Variants in SAMD4B observed in about 807,000 individuals in gnomAD.
SAMD4B encodes protein Smaug homolog 2.
SAMD4B carries 5 observed loss-of-function variants against 74.5 expected under a neutral mutation model. That is an observed-to-expected ratio of 0.07 (90% CI 0.04 to 0.14). The LOEUF (loss-of-function observed/expected upper bound fraction) is 0.14. Ranked by LOEUF, SAMD4B falls within the 10% of genes least tolerant of loss-of-function variation. The probability of loss-of-function intolerance (pLI) is 1.00; values close to 1 mark genes in which losing one functional copy is unlikely to be tolerated. For missense variants in SAMD4B, 608 were observed against 921.8 expected (o/e 0.66, Z 4.41); for synonymous variants, 373 against 374.9 (o/e 1.00, Z 0.06).
chr19:39,381,373 C>T (rs2077975264), intron 12 of SAMD4B: 1 of 412,154 alleles, frequency 2.4e-6, no homozygotes, highest in African/African-American at 2.0e-5. Context: ...ATGTTTCCCA[C>T]CCTATGTCAT....
chr19:39,388,444 T>C, downstream of SAMD4B: 2 of 1,614,172 alleles, frequency 1.2e-6, no homozygotes, highest in Non-Finnish European at 1.7e-6. Context: ...CCAGTTGTAC[T>C]CCCGAGCAAT....
At chr19:39,352,188 C>G (rs979400560) in intron 1 of SAMD4B, 2 of 152,190 alleles carry the variant, frequency 1.3e-5, no homozygotes, top group African/African-American at 4.8e-5. Flanking sequence ...GTAACTGTTT[C>G]ACTAAAGCCT....
rs57136164 is a variant in SAMD4B, at chr19:39,365,242, TAAAAAAAA to T, written c.197-4400_197-4393del. Among the ~76,000 whole-genome samples the T allele has an allele frequency of 1.4e-3, 124 of 90,880 alleles. 1 individual carries two copies. In the South Asian group the frequency reaches 0.019, roughly 14 times the overall value. 59.6% of individuals were successfully genotyped at this position (90,880 alleles called of 152,430 possible). ...GCCTGGGTGACAGAGCGAGACTCCG[TAAAAAAAA>T]AAAAAAAAAAAAGTTCCTCCCTGCC... On this transcript the variant is annotated intron_variant, in intron 3 of 13. Transcript: ENST00000610417.
intron 4 of SAMD4B, among the ~76,000 whole-genome samples, chr19:39,373,093 G>A (rs1372657356): frequency 6.6e-6 from 1 of 152,172 alleles, no homozygotes; most frequent in Non-Finnish European, 1.5e-5. Flanking sequence ...CCTGGGCTGG[G>A]TGTCACTGTA....
intron 12 of SAMD4B, among the ~76,000 whole-genome samples, chr19:39,381,925 A>G (rs1057431525): frequency 6.6e-6 from 1 of 152,196 alleles, no homozygotes; most frequent in Non-Finnish European, 1.5e-5. Flanking sequence ...GTGAGACCCC[A>G]TCTCAAAAAG....
At chr19:39,362,889 G>A (rs2076736004) in intron 3 of SAMD4B, among the ~76,000 whole-genome samples, 2 of 152,008 alleles carry the variant, frequency 1.3e-5, no homozygotes, top group Admixed American at 6.6e-5. Flanking sequence ...AGGGGCAATG[G>A]CAAGTGAGTC....
intron 4 of SAMD4B, among the ~76,000 whole-genome samples, chr19:39,372,337 A>G (rs1159155694): frequency 6.6e-6 from 1 of 152,166 alleles, no homozygotes; most frequent in African/African-American, 2.4e-5. Flanking sequence ...AGGTGAATGA[A>G]GTGACTTGCC....
At chr19:39,343,468 C>G (rs142694049) in intron 1 of SAMD4B, among the ~76,000 whole-genome samples, 216 of 150,616 alleles carry the variant, frequency 1.4e-3, no homozygotes, top group African/African-American at 5.0e-3. Flanking sequence ...AGACTCCATC[C>G]CCCTCCCCAC....
In SAMD4B at chr19:39,381,003, C is replaced by A; in HGVS notation, c.1862C>A (p.Ala621Asp). The A allele has an allele frequency of 6.2e-7, 1 of 1,610,146 alleles. No homozygotes were observed. The highest frequency in any genetic ancestry group is 1.1e-5 in the South Asian group (1 of 90,446). ...GGQGRQNLWF[A>D]NPGGSNSMPS... ...GGACCTGTGTAGAACCTGTGGTTTG[C>A]CAACCCTGGAGGCAGCAACAGCATG... The change falls in exon 12 of 14, where the codon GCC (alanine) becomes GAC (aspartate). Residue 621 changes from alanine to aspartate, a missense_variant. By Grantham distance (126) the Ala-to-Asp change is moderately radical (BLOSUM62 -2). This residue lies in a region of SAMD4B where 167 missense variants were observed against 193.0 expected (regional missense o/e 0.87). Transcript: ENST00000610417.
At chr19:39,366,264 C>T (rs553207647) in intron 3 of SAMD4B, among the ~76,000 whole-genome samples, 3 of 152,060 alleles carry the variant, frequency 2.0e-5, no homozygotes, top group African/African-American at 4.8e-5. Flanking sequence ...TCCAGTGAGC[C>T]GAGATCGTGC....
Position 39,378,377 on chromosome 19 carries a change from A to C in SAMD4B, c.1445-127A>C. The C allele has an allele frequency of 1.4e-6, 1 of 736,730 alleles. No homozygotes were observed. The highest frequency in any genetic ancestry group is 2.2e-5 in the Admixed American group (1 of 44,976). The allele number at this position is 736,730 out of a possible 1,614,324, so 45.6% of individuals were successfully genotyped here. A position where few individuals can be genotyped will look rare whatever the true frequency, so the allele number is the denominator to read the frequency against. ...TGATAACCCAAATACCATGGCTAGCACTTAATAGTTGATATTCATCCAGCC... is the reference window on the plus strand; with the variant it reads ...TGATAACCCAAATACCATGGCTAGCCCTTAATAGTTGATATTCATCCAGCC... On this transcript the variant is annotated intron_variant, in intron 8 of 13. Coordinates refer to ENST00000610417, the MANE Select transcript of SAMD4B (RefSeq NM_001384574.2). This position sits in a 1 kb window ranked among gnomAD's most constrained non-coding sequence, Gnocchi z 4.4.
intron 4 of SAMD4B, among the ~76,000 whole-genome samples, chr19:39,372,513 T>C (rs1215318474): frequency 1.3e-5 from 2 of 152,110 alleles, no homozygotes; most frequent in South Asian, 2.1e-4. Context: ...TAAAATATTT[T>C]TGAGTGGGGA....
intron 3 of SAMD4B, among the ~76,000 whole-genome samples, chr19:39,365,055 C>T (rs1397919201): frequency 2.7e-5 from 4 of 150,576 alleles, no homozygotes; most frequent in Admixed American, 2.0e-4. Flanking sequence ...CTGGCTAACA[C>T]GGTGAAACCC....
chr19:39,377,582 T>G lies in SAMD4B; in HGVS notation c.1202T>G (p.Val401Gly). Reference protein sequence around the residue: ...IKAYSVLQATVAAATTTPTAK... With the variant: ...IKAYSVLQATGAAATTTPTAK... ...GCCTACAGTGTCCTCCAGGCCACCG[T>G]GGCTGCCGCCACCACCACCCCTACT... Residue 401 changes from valine to glycine, a missense_variant, in exon 8 of 14, where the codon GTG (valine) becomes GGG (glycine). This residue lies in a region of SAMD4B where 99 missense variants were observed against 112.1 expected (regional missense o/e 0.88). Transcript: ENST00000610417. 1 of 1,613,896 alleles carries G rather than the reference T, an allele frequency of 6.2e-7. No homozygotes were observed. Among genetic ancestry groups the G allele is most frequent in the Non-Finnish European group, 8.5e-7 (1 of 1,179,858 alleles).
intron 4 of SAMD4B, among the ~76,000 whole-genome samples, chr19:39,372,875 G>C (rs893750157): frequency 1.3e-5 from 2 of 152,204 alleles, no homozygotes; most frequent in Non-Finnish European, 2.9e-5. Flanking sequence ...AGAGTGCTGA[G>C]TGGGGACAGA....
At chr19:39,374,431 T>C (rs76784591) in intron 4 of SAMD4B, among the ~76,000 whole-genome samples, 3,143 of 152,298 alleles carry the variant, frequency 0.021, 48 homozygotes, top group Middle Eastern at 0.041. Context: ...TGAGGCCCCA[T>C]AACAGGGTTG....
intron 4 of SAMD4B, among the ~76,000 whole-genome samples, chr19:39,371,263 G>A (rs569407511): frequency 5.9e-5 from 9 of 152,274 alleles, no homozygotes; most frequent in African/African-American, 1.4e-4. Context: ...GGGTAACCTC[G>A]GGTCCCTAAT....
At chr19:39,367,507 CTTTTTTTTT>C (rs572713498) in intron 3 of SAMD4B, among the ~76,000 whole-genome samples, 2 of 110,806 alleles carry the variant, frequency 1.8e-5, no homozygotes. Context: ...TTTTCTTTTT[CTTTTTTTTT>C]TTTTTTTTTT....
intron 3 of SAMD4B, among the ~76,000 whole-genome samples, chr19:39,367,320 C>G (rs775619132): frequency 2.0e-5 from 3 of 152,130 alleles, no homozygotes; most frequent in Non-Finnish European, 4.4e-5. Flanking sequence ...TAAGTCATCA[C>G]CTTGGCTACA....
Sources: gnomAD v4.1 joint callset for allele counts (sites outside exome capture counted in the v4.1 genomes callset) on GRCh38, gnomAD v4.1.1 for gene constraint, gnomAD v4.1.1 regional missense constraint, Gnocchi (gnomAD v3.1) non-coding constraint, MANE v1.5 for transcripts, NCBI Gene and HGNC (gene_info 2026-07-23, HGNC 2026-07-21) for gene names.